The following DRC8 variants were observed in gnomAD, a reference collection of about 807,000 sequenced individuals.
DRC8 encodes the protein dynein regulatory complex protein 8.
chr1:244,999,190 GCTTGGGAATGGGGAGAAGTCTGC>G, the DRC8 span, among the ~76,000 whole-genome samples: 1 of 151,122 alleles, frequency 6.6e-6, no homozygotes, highest in African/African-American at 2.4e-5. Context: ...CCCACTACTG[GCTTGGGAATGGGGAGAAGTCTGC>G]CTTTAAGCCT....
the DRC8 span, among the ~76,000 whole-genome samples, chr1:245,055,919 G>A: frequency 1.3e-5 from 2 of 151,938 alleles, no homozygotes; most frequent in East Asian, 1.9e-4. Context: ...TTTAGAGACA[G>A]GGTCTTGCTG....
chr1:245,025,577 C>T, the DRC8 span, among the ~76,000 whole-genome samples: 1 of 152,150 alleles, frequency 6.6e-6, no homozygotes, highest in Non-Finnish European at 1.5e-5. Context: ...ATAAAAGTGC[C>T]AATCTTTCCC....
the DRC8 span, among the ~76,000 whole-genome samples, chr1:245,121,265 A>T: frequency 1.3e-5 from 2 of 152,192 alleles, no homozygotes; most frequent in Admixed American, 1.3e-4. Context: ...CATAGATGTG[A>T]TCGTTGCTGT....
chr1:245,098,665 G>A, the DRC8 span, among the ~76,000 whole-genome samples: 1 of 152,170 alleles, frequency 6.6e-6, no homozygotes, highest in African/African-American at 2.4e-5. Flanking sequence ...TTTTTCAGTT[G>A]CTTTGAAATC....
the DRC8 span, among the ~76,000 whole-genome samples, chr1:245,097,050 A>G: frequency 1.1e-4 from 16 of 152,196 alleles, no homozygotes; most frequent in Non-Finnish European, 1.9e-4. The surrounding 1 kb of genome is among the most constrained non-coding windows in gnomAD (Gnocchi z 5.0). Context: ...CTATATAGTA[A>G]ATATCTTCAA....
the DRC8 span, among the ~76,000 whole-genome samples, chr1:245,014,031 C>A: frequency 1.9e-3 from 179 of 93,128 alleles, no homozygotes; most frequent in East Asian, 3.3e-3. Context: ...GACTCCATCT[C>A]AAAAAAAAAA....
the DRC8 span, among the ~76,000 whole-genome samples, chr1:245,079,815 G>T: frequency 6.6e-6 from 1 of 152,210 alleles, no homozygotes; most frequent in Non-Finnish European, 1.5e-5. Flanking sequence ...CTCCTCCGGA[G>T]ATAACCTCGT....
chr1:245,002,173 A>G, the DRC8 span: 9 of 1,610,568 alleles, frequency 5.6e-6, no homozygotes, highest in Admixed American at 1.7e-5. Context: ...CTGATCGAAC[A>G]TCTAATGGAA....
At chr1:245,077,378 A>G in the DRC8 span, among the ~76,000 whole-genome samples, 2 of 152,206 alleles carry the variant, frequency 1.3e-5, no homozygotes, top group African/African-American at 4.8e-5. Context: ...AGTGACTAAT[A>G]ATATATTAAT....
chr1:244,970,246 G>T, the DRC8 span: 1 of 700,888 alleles, frequency 1.4e-6, no homozygotes, highest in South Asian at 1.5e-5. Flanking sequence ...AACGGGGACA[G>T]GGCGCGCGCT....
chr1:244,974,331 T>C, the DRC8 span, among the ~76,000 whole-genome samples: 1 of 152,250 alleles, frequency 6.6e-6, no homozygotes, highest in Non-Finnish European at 1.5e-5. Context: ...AAATTTGAAC[T>C]TTTGGCAGCC....
chr1:245,019,935 A>C, the DRC8 span, among the ~76,000 whole-genome samples: 511 of 152,312 alleles, frequency 3.4e-3, 2 homozygotes, highest in African/African-American at 0.012. Context: ...ACTGCACTCC[A>C]GCCTGGGCGA....
At chr1:244,972,885 T>G in the DRC8 span, among the ~76,000 whole-genome samples, 1 of 152,264 alleles carries the variant, frequency 6.6e-6, no homozygotes, top group African/African-American at 2.4e-5. Context: ...TCATTTATTG[T>G]TAACAGTTTT....
the DRC8 span, among the ~76,000 whole-genome samples, chr1:244,990,614 A>G: frequency 3.3e-5 from 5 of 152,226 alleles, no homozygotes; most frequent in African/African-American, 4.8e-5. Flanking sequence ...GCTGGCTCCT[A>G]TGTCACTATG....
the DRC8 span, among the ~76,000 whole-genome samples, chr1:245,019,417 T>C: frequency 6.6e-6 from 1 of 152,202 alleles, no homozygotes; most frequent in African/African-American, 2.4e-5. Context: ...AGATAGGGTC[T>C]TACTCTGTCC....
the DRC8 span, among the ~76,000 whole-genome samples, chr1:245,065,029 A>G: frequency 9.7e-6 from 1 of 102,926 alleles, no homozygotes; most frequent in African/African-American, 3.4e-5. Flanking sequence ...AACTCCTATT[A>G]TTCATTTTTG....
chr1:245,087,739 AC>A, the DRC8 span: 3 of 991,342 alleles, frequency 3.0e-6, no homozygotes, highest in Admixed American at 6.1e-5. Context: ...CCACTCGAAA[AC>A]GAGTAGCAGT....
chr1:245,063,135 C>G, the DRC8 span, among the ~76,000 whole-genome samples: 1 of 152,160 alleles, frequency 6.6e-6, no homozygotes, highest in African/African-American at 2.4e-5. Flanking sequence ...GATGCCCATT[C>G]TGCCCTCCCA....
At chr1:245,084,535 T>TTA in the DRC8 span, among the ~76,000 whole-genome samples, 688 of 152,112 alleles carry the variant, frequency 4.5e-3, 6 homozygotes, top group African/African-American at 0.016. Context: ...ACCTGCACAC[T>TTA]TATATATATA....
Sources: allele counts gnomAD v4.1 joint callset (sites outside exome capture counted in the v4.1 genomes callset), GRCh38; gene constraint gnomAD v4.1.1; non-coding constraint Gnocchi (gnomAD v3.1); transcripts MANE v1.5; gene names NCBI Gene and HGNC (gene_info 2026-07-23, HGNC 2026-07-21).